The following DPT variants were observed in gnomAD, a reference collection of about 807,000 sequenced individuals.
The protein encoded by DPT is tyrosine-rich acidic matrix protein.
A neutral mutation model predicts 31.2 loss-of-function variants in DPT; 21 were observed. The ratio of observed to expected loss-of-function variants is 0.67; its 90% CI spans 0.48 to 0.97. The LOEUF is 0.97. Ranked by LOEUF, DPT falls within the 50% of genes least tolerant of loss-of-function variation. The pLI is 0.00. For synonymous variants in DPT, 91 were observed against 86.9 expected (o/e 1.05, Z -0.26); for missense variants, 262 against 258.8 (o/e 1.01, Z -0.08).
At chr1:168,724,431 T>G (rs904986842) in intron 1 of DPT, among the ~76,000 whole-genome samples, 1 of 152,176 alleles carries the variant, frequency 6.6e-6, no homozygotes, top group Non-Finnish European at 1.5e-5. Context: ...TCACTGCATA[T>G]GTATTGAGGG....
intron 2 of DPT, among the ~76,000 whole-genome samples, chr1:168,713,152 G>A (rs1304333306): frequency 6.6e-6 from 1 of 152,166 alleles, no homozygotes; most frequent in Admixed American, 6.5e-5. Context: ...CTATCCCAGT[G>A]GCATCGTAAT....
intron 2 of DPT, among the ~76,000 whole-genome samples, chr1:168,703,667 T>C (rs1649652455): frequency 6.6e-6 from 1 of 152,216 alleles, no homozygotes; most frequent in South Asian, 2.1e-4. Context: ...TATAACACCA[T>C]GGGATTGAGT....
intron 1 of DPT, among the ~76,000 whole-genome samples, chr1:168,725,300 C>A (rs1004952648): frequency 2.1e-5 from 3 of 144,712 alleles, no homozygotes; most frequent in African/African-American, 7.7e-5. Flanking sequence ...TTCCTTCAAT[C>A]CTTCCTTCCT....
chr1:168,701,169 T>G (rs759559420), intron 2 of DPT, 45 bp from the exon 3 acceptor site: 6 of 1,420,508 alleles, frequency 4.2e-6, no homozygotes, highest in Middle Eastern at 3.5e-4. Context: ...AACACATTAT[T>G]ATTGCTGGGA....
chr1:168,716,784 T>C (rs964749736), intron 1 of DPT, among the ~76,000 whole-genome samples: 1 of 152,200 alleles, frequency 6.6e-6, no homozygotes, highest in South Asian at 2.1e-4. Flanking sequence ...AACTTCCACT[T>C]ATGAGTGAGA....
At chr1:168,717,449 A>G (rs571934721) in intron 1 of DPT, among the ~76,000 whole-genome samples, 5 of 151,918 alleles carry the variant, frequency 3.3e-5, no homozygotes, top group Non-Finnish European at 5.9e-5. Context: ...TAGATTCTGG[A>G]TGTTAGACCT....
At chr1:168,713,324 T>C (rs1025929057) in intron 2 of DPT, among the ~76,000 whole-genome samples, 1 of 152,188 alleles carries the variant, frequency 6.6e-6, no homozygotes, top group African/African-American at 2.4e-5. Context: ...ACGTTAAGCT[T>C]TTGGGGCTTT....
At position 168,696,448 on chromosome 1, in the gene DPT, C is replaced by G. The variant is rs1649467362; in HGVS notation, c.*101G>C. 2 of 974,676 alleles carry G rather than the reference C, an allele frequency of 2.1e-6. No individual in the cohort carries two copies. The highest frequency in any genetic ancestry group is 2.7e-5 in the Admixed American group (1 of 37,708). The allele number at this position is 974,676 out of a possible 1,614,324, so 60.4% of individuals were successfully genotyped here. ...CCAGCTCAGGGAGAAGGAAAGAGAG[C>G]AGCAGAAACTTCTATAGGAGATCCA... On this transcript the variant is annotated 3_prime_UTR_variant, in exon 4 of 4. Coordinates refer to ENST00000367817, the MANE Select transcript of DPT (RefSeq NM_001937.5).
chr1:168,700,975 T>C (rs116690380), intron 3 of DPT, 42 bp downstream of exon 3: 41,665 of 1,439,414 alleles, frequency 0.029, 744 homozygotes, highest in African/African-American at 0.045. Context: ...TAGTCCCAAC[T>C]CCTTTAACCC....
At chr1:168,723,906 C>G (rs1397632180) in intron 1 of DPT, among the ~76,000 whole-genome samples, 1 of 152,148 alleles carries the variant, frequency 6.6e-6, no homozygotes, top group Non-Finnish European at 1.5e-5. Context: ...CATGTATACT[C>G]TTCACCCAGG....
At chr1:168,702,182 G>A (rs1392697302) in intron 2 of DPT, among the ~76,000 whole-genome samples, 1 of 152,216 alleles carries the variant, frequency 6.6e-6, no homozygotes, top group Non-Finnish European at 1.5e-5. Flanking sequence ...ACTAGTTTGT[G>A]AGTGTCAATA....
At chr1:168,697,649 C>T (rs1333407632) in intron 3 of DPT, among the ~76,000 whole-genome samples, 1 of 152,156 alleles carries the variant, frequency 6.6e-6, no homozygotes, top group Non-Finnish European at 1.5e-5. Context: ...CATGACACTC[C>T]TGTGGTCTAA....
chr1:168,728,902 C>G lies in DPT; in HGVS notation c.273G>C (p.Trp91Cys). Residue 91 changes from tryptophan (W) to cysteine (C), a missense_variant, in exon 1 of 4, where the codon TGG becomes TGC. Transcript: ENST00000367817. ...TGCCAGCCCTGTTGATCTCCTCCCA[C>G]CAGCACTCCGTGGGTTCCCCGAGGC... ...PQSLGEPTEC[W>C]WEEINRAGME... 6.2e-7 allele frequency: 1 copy of G among 1,614,222 alleles called. No individual in the cohort carries two copies. Among genetic ancestry groups the G allele is most frequent in the African/African-American group, 1.3e-5 (1 of 75,044 alleles).
chr1:168,711,012 T>C (rs1403659366), intron 2 of DPT, among the ~76,000 whole-genome samples: 1 of 151,332 alleles, frequency 6.6e-6, no homozygotes, highest in Non-Finnish European at 1.5e-5. Context: ...TTTTTTTTCT[T>C]CTTCTTCTTT....
chr1:168,718,778 G>A (rs553851527), intron 1 of DPT, among the ~76,000 whole-genome samples: 8 of 152,234 alleles, frequency 5.3e-5, no homozygotes, highest in South Asian at 2.1e-4. Flanking sequence ...ATAAGACAAC[G>A]CATGTAAAAT....
chr1:168,720,748 C>T (rs1158098415), intron 1 of DPT, among the ~76,000 whole-genome samples: 1 of 152,128 alleles, frequency 6.6e-6, no homozygotes, highest in Non-Finnish European at 1.5e-5. Context: ...TTAACACTCC[C>T]AAATTTCTTT....
At chr1:168,726,284 T>C (rs1572634311) in intron 1 of DPT, among the ~76,000 whole-genome samples, 1 of 152,256 alleles carries the variant, frequency 6.6e-6, no homozygotes, top group South Asian at 2.1e-4. Context: ...AATAAAATCA[T>C]GTTATTTCAC....
At chr1:168,717,096 T>C (rs1191800045) in intron 1 of DPT, among the ~76,000 whole-genome samples, 1 of 152,192 alleles carries the variant, frequency 6.6e-6, no homozygotes, top group African/African-American at 2.4e-5. Context: ...GGTCAAATGG[T>C]ATTTCTTGTT....
At chr1:168,722,111 G>A (rs1250010049) in intron 1 of DPT, among the ~76,000 whole-genome samples, 4 of 152,134 alleles carry the variant, frequency 2.6e-5, no homozygotes. Flanking sequence ...CTTGTGAGAT[G>A]CATTTATGTC....
Sources: allele counts gnomAD v4.1 joint callset (sites outside exome capture counted in the v4.1 genomes callset), GRCh38; gene constraint gnomAD v4.1.1; transcripts MANE v1.5; gene names NCBI Gene and HGNC (gene_info 2026-07-23, HGNC 2026-07-21).